REDIC1: variants seen among roughly 807,000 people sequenced by gnomAD.
REDIC1 encodes the protein regulator of DNA class I crossover intermediates 1.
chr12:39,629,362 CA>C, the REDIC1 span, among the ~76,000 whole-genome samples: 2 of 152,068 alleles, frequency 1.3e-5, no homozygotes, highest in African/African-American at 4.8e-5. Context: ...ATGAATGAAG[CA>C]AATTTATGTT....
At chr12:39,712,061 C>T in the REDIC1 span, among the ~76,000 whole-genome samples, 3 of 68,072 alleles carry the variant, frequency 4.4e-5, no homozygotes, top group African/African-American at 8.5e-5. Flanking sequence ...TGTATATATA[C>T]ATGTATATAT....
the REDIC1 span, among the ~76,000 whole-genome samples, chr12:39,702,564 A>C: frequency 6.6e-6 from 1 of 152,076 alleles, no homozygotes; most frequent in African/African-American, 2.4e-5. Flanking sequence ...AAAAGAGGGA[A>C]TCCTCCCTAA....
chr12:39,766,717 T>C, the REDIC1 span, among the ~76,000 whole-genome samples: 1 of 152,130 alleles, frequency 6.6e-6, no homozygotes, highest in Non-Finnish European at 1.5e-5. Context: ...TCCTTTGATA[T>C]CATTTCAACA....
At chr12:39,730,716 A>C in the REDIC1 span, among the ~76,000 whole-genome samples, 32 of 151,800 alleles carry the variant, frequency 2.1e-4, no homozygotes, top group East Asian at 6.2e-3. Context: ...AGGTTGGGGG[A>C]GTTCTCCTGG....
chr12:39,764,608 C>T, the REDIC1 span: 1 of 1,588,018 alleles, frequency 6.3e-7, no homozygotes, highest in South Asian at 1.2e-5. Context: ...GCATTGGTCC[C>T]ATTCCTGAGA....
chr12:39,690,156 G>C, the REDIC1 span, among the ~76,000 whole-genome samples: 1 of 152,290 alleles, frequency 6.6e-6, no homozygotes, highest in East Asian at 1.9e-4. Flanking sequence ...CTGCCCACAG[G>C]TTAGGTAAAA....
chr12:39,727,586 G>C, the REDIC1 span, among the ~76,000 whole-genome samples: 1 of 151,624 alleles, frequency 6.6e-6, no homozygotes, highest in East Asian at 1.9e-4. Context: ...TTTTGCTTAG[G>C]GTTGTCTTGG....
At chr12:39,872,246 G>T in the REDIC1 span, among the ~76,000 whole-genome samples, 2 of 152,176 alleles carry the variant, frequency 1.3e-5, no homozygotes, top group African/African-American at 4.8e-5. Context: ...AGGGACAGTG[G>T]CAGCTGGTAG....
chr12:39,627,111 G>A, the REDIC1 span, among the ~76,000 whole-genome samples: 1 of 152,084 alleles, frequency 6.6e-6, no homozygotes, highest in East Asian at 1.9e-4. Context: ...AGTAGACCCA[G>A]GACAGTAATT....
the REDIC1 span, among the ~76,000 whole-genome samples, chr12:39,743,964 A>G: frequency 6.6e-6 from 1 of 152,264 alleles, no homozygotes; most frequent in South Asian, 2.1e-4. Flanking sequence ...TTAATATCAA[A>G]CAAAACCCCA....
the REDIC1 span, among the ~76,000 whole-genome samples, chr12:39,773,666 T>A: frequency 6.6e-6 from 1 of 152,214 alleles, no homozygotes; most frequent in East Asian, 1.9e-4. Flanking sequence ...ACATGCTGTC[T>A]ATATTGCCCC....
the REDIC1 span, chr12:39,721,291 C>A: frequency 6.5e-7 from 1 of 1,527,332 alleles, no homozygotes; most frequent in Non-Finnish European, 8.9e-7. Context: ...ATTTCACTTG[C>A]CCTTAGAAAA....
At chr12:39,786,730 G>A in the REDIC1 span, among the ~76,000 whole-genome samples, 2 of 152,108 alleles carry the variant, frequency 1.3e-5, no homozygotes, top group Non-Finnish European at 2.9e-5. Flanking sequence ...GCTCAGCCTT[G>A]GTGGGTGAAT....
chr12:39,728,780 C>CTTTT, the REDIC1 span, among the ~76,000 whole-genome samples: 81 of 92,162 alleles, frequency 8.8e-4, 1 homozygote, highest in Admixed American at 1.5e-3. Context: ...TGGTCCTGGG[C>CTTTT]TTTTTTTTTT....
the REDIC1 span, among the ~76,000 whole-genome samples, chr12:39,734,287 A>G: frequency 6.6e-6 from 1 of 152,162 alleles, no homozygotes. Context: ...TCAGATGGAA[A>G]TGCAGAAATC....
At chr12:39,878,698 A>AAAAATTTGG in the REDIC1 span, among the ~76,000 whole-genome samples, 3 of 152,268 alleles carry the variant, frequency 2.0e-5, no homozygotes, top group South Asian at 6.2e-4. Flanking sequence ...GGCAGAGCAT[A>AAAAATTTGG]AAAATTTGGA....
the REDIC1 span, among the ~76,000 whole-genome samples, chr12:39,732,010 C>T: frequency 6.6e-6 from 1 of 152,196 alleles, no homozygotes; most frequent in Non-Finnish European, 1.5e-5. Context: ...GGGTCCTGTT[C>T]CAATGATGTC....
chr12:39,703,012 G>A, the REDIC1 span, among the ~76,000 whole-genome samples: 1 of 152,172 alleles, frequency 6.6e-6, no homozygotes, highest in Non-Finnish European at 1.5e-5. Context: ...CATTCCCTTT[G>A]AAACCTGGCA....
chr12:39,783,441 A>C, the REDIC1 span, among the ~76,000 whole-genome samples: 5 of 152,188 alleles, frequency 3.3e-5, no homozygotes, highest in Non-Finnish European at 1.5e-5. Flanking sequence ...CTGAGGAATC[A>C]CCACACTGTC....
Sources: gnomAD v4.1 joint callset for allele counts (sites outside exome capture counted in the v4.1 genomes callset) on GRCh38, gnomAD v4.1.1 for gene constraint, MANE v1.5 for transcripts, NCBI Gene and HGNC (gene_info 2026-07-23, HGNC 2026-07-21) for gene names.